Variants in ATL2 observed in about 807,000 individuals in gnomAD.
The protein encoded by ATL2 is atlastin GTPase 2.
A neutral mutation model predicts 73.9 loss-of-function variants in ATL2; 31 were observed. That is an observed-to-expected ratio of 0.42 (90% confidence interval 0.32 to 0.57). The LOEUF is 0.57. Among genes scored for constraint, ATL2 ranks in the 20% least tolerant of loss-of-function variants. The probability of loss-of-function intolerance (pLI) is 0.14; values close to 1 mark genes in which losing one functional copy is unlikely to be tolerated. For synonymous variants in ATL2, 291 were observed against 237.5 expected (o/e 1.23, Z -2.07); for missense variants, 738 against 702.6 (o/e 1.05, Z -0.57).
chr2:38,296,126 A>G lies in ATL2; in HGVS notation c.1633-13T>C. 6.5e-7 allele frequency: 1 copy of G among 1,542,552 alleles called. No homozygotes were observed. On this transcript the variant is annotated splice_polypyrimidine_tract_variant and intron_variant, in intron 12 of 12. Transcript: ENST00000378954. Reference sequence around the variant, plus strand: ...GGGGCTTCAATACCTGTGGTATGAGAAATGTGCAAAACAAACAAAAACATG... The same window carrying G: ...GGGGCTTCAATACCTGTGGTATGAGGAATGTGCAAAACAAACAAAAACATG...
intron 1 of ATL2, among the ~76,000 whole-genome samples, chr2:38,357,327 AAAAAT>A (rs1323341887): frequency 6.6e-6 from 1 of 151,932 alleles, no homozygotes; most frequent in East Asian, 1.9e-4. Flanking sequence ...ACTCCGTCTC[AAAAAT>A]AAATAAATAA....
At chr2:38,335,950 G>A (rs1215893396) in intron 2 of ATL2, among the ~76,000 whole-genome samples, 2 of 152,120 alleles carry the variant, frequency 1.3e-5, no homozygotes, top group South Asian at 2.1e-4. Context: ...TGGTGTGAAC[G>A]TGGGAGGCGG....
rs1284657472 is a variant in ATL2 at position 38,298,573 on chromosome 2, T to A, written c.1203A>T (p.Val401=). The change falls in exon 12 of 13, where the codon GTA becomes GTT. Residue 401 remains valine (V), a splice_region_variant and synonymous_variant. Transcript: ENST00000378954. ...CAATGTAAGGCTTGTCCCCTCCACA[T>A]ACCTGGACAGACAGAATTACAGTAT... The part of the protein sequence containing the change: ...RDTYCKSMEQ[V]CGGDKPYIAP... The A allele has an allele frequency of 6.2e-7, 1 of 1,610,392 alleles. No individual in the cohort carries two copies. Among genetic ancestry groups the A allele is most frequent in the Non-Finnish European group, 8.5e-7 (1 of 1,178,038 alleles).
At position 38,313,194 on chromosome 2, in the gene ATL2, T is replaced by C; in HGVS notation, c.761A>G (p.Tyr254Cys). ...AAATTGCTTTCCACCTTCCAAACCA[T>C]ATGAATGTTCATAAGGATAGCTCCA... The part of the protein sequence containing the change: ...RDWSYPYEHS[Y>C]GLEGGKQFLE... Residue 254 changes from tyrosine (Y) to cysteine (C), a missense_variant, in exon 7 of 13, where the codon TAT becomes TGT. By Grantham distance (194) the Tyr-to-Cys change is radical. Transcript: ENST00000378954. 6.2e-7 allele frequency: 1 copy of C among 1,613,638 alleles called. No homozygotes were observed. The highest frequency in any genetic ancestry group is 8.5e-7 in the Non-Finnish European group (1 of 1,179,650).
intron 2 of ATL2, among the ~76,000 whole-genome samples, chr2:38,328,357 A>G (rs1311924714): frequency 6.6e-6 from 1 of 152,220 alleles, no homozygotes; most frequent in Non-Finnish European, 1.5e-5. Flanking sequence ...ATTTCATCCA[A>G]CAACAGCACA....
intron 2 of ATL2, among the ~76,000 whole-genome samples, chr2:38,341,576 G>A (rs765764762): frequency 2.6e-5 from 4 of 152,126 alleles, no homozygotes; most frequent in African/African-American, 4.8e-5. Flanking sequence ...AGGTTGGGCT[G>A]CAGTCTACTA....
chr2:38,312,951 T>G (rs143659150), intron 7 of ATL2, among the ~76,000 whole-genome samples, 200 bp downstream of exon 7: 110 of 152,310 alleles, frequency 7.2e-4, no homozygotes, highest in Admixed American at 1.4e-3. Context: ...TCCTTAATTT[T>G]GATTCAAGGA....
At chr2:38,323,712 A>G (rs1484956051) in intron 2 of ATL2, among the ~76,000 whole-genome samples, 3 of 152,176 alleles carry the variant, frequency 2.0e-5, no homozygotes, top group Non-Finnish European at 4.4e-5. Context: ...AGAGAGAAAG[A>G]AAACGAGACA....
At position 38,314,673 on chromosome 2, in the gene ATL2, T is replaced by C; in HGVS notation, c.655-9A>G. ...CCATACTCTGTAAATAACTATTAAATAGAGTTAGTTAAAATAATGCCTCTA... is the reference window on the plus strand; with the variant it reads ...CCATACTCTGTAAATAACTATTAAACAGAGTTAGTTAAAATAATGCCTCTA... On this transcript the variant is annotated splice_polypyrimidine_tract_variant and intron_variant, in intron 5 of 12. Coordinates refer to ENST00000378954, the MANE Select transcript of ATL2 (RefSeq NM_001135673.4). 4 of 1,551,832 alleles carry C rather than the reference T, an allele frequency of 2.6e-6. No homozygotes were observed. The highest frequency in any genetic ancestry group is 8.9e-7 in the Non-Finnish European group (1 of 1,126,828).
In ATL2 at chr2:38,295,518, G is replaced by C. The variant is rs1318026480; in HGVS notation, c.*476C>G. The C allele has an allele frequency of 6.6e-6, 1 of 152,466 alleles. No individual in the cohort carries two copies. Among genetic ancestry groups the C allele is most frequent in the Non-Finnish European group, 1.5e-5 (1 of 68,292 alleles). 9.4% of individuals were successfully genotyped at this position (152,466 alleles called of 1,614,324 possible). On this transcript the variant is annotated 3_prime_UTR_variant, in exon 13 of 13. Transcript: ENST00000378954. The stretch of plus-strand genomic sequence containing the variant: ...CATGCATTGATGTAATACTGGTATT[G>C]AAGGCAGTAAAGCAATATATACTTT...
chr2:38,376,774 C>A (rs1035412836), intron 1 of ATL2, among the ~76,000 whole-genome samples: 1 of 151,870 alleles, frequency 6.6e-6, no homozygotes, highest in Admixed American at 6.5e-5. Flanking sequence ...GGAGCGGAGC[C>A]GCAGCCGACC....
intron 2 of ATL2, among the ~76,000 whole-genome samples, chr2:38,333,616 G>A (rs1323245785): frequency 2.0e-5 from 3 of 152,164 alleles, no homozygotes; most frequent in Non-Finnish European, 2.9e-5. Context: ...AAAAAGATCT[G>A]TAATTTATGT....
At chr2:38,357,310 G>C (rs1009230869) in intron 1 of ATL2, among the ~76,000 whole-genome samples, 1 of 151,416 alleles carries the variant, frequency 6.6e-6, no homozygotes, top group Non-Finnish European at 1.5e-5. Context: ...CCTGGCAACA[G>C]AGGAAGACTC....
chr2:38,375,269 T>C (rs1671897307), intron 1 of ATL2, among the ~76,000 whole-genome samples: 2 of 152,212 alleles, frequency 1.3e-5, no homozygotes, highest in African/African-American at 4.8e-5. Context: ...TTCTTCTCAC[T>C]TTAAACACAA....
intron 1 of ATL2, among the ~76,000 whole-genome samples, chr2:38,348,826 G>GA (rs1670174403): frequency 6.6e-6 from 1 of 151,794 alleles, no homozygotes; most frequent in Non-Finnish European, 1.5e-5. Flanking sequence ...AAATTCACAA[G>GA]AAAAAAACAA....
At position 38,342,237 on chromosome 2, in the gene ATL2, G is replaced by C. The variant is rs142873897; in HGVS notation, c.363+1031C>G. ...GGGAAAGAGATTCATCAATTAAAAT[G>C]TAAGTATCTCCTAAGACCCAGTTCT... On this transcript the variant is annotated intron_variant, in intron 2 of 12. Coordinates refer to ENST00000378954, the MANE Select transcript of ATL2 (RefSeq NM_001135673.4). 4.5e-4 allele frequency among the ~76,000 whole-genome samples: 69 copies of C among 152,144 alleles called. No individual in the cohort carries two copies. The East Asian group carries it at 8.7e-3, about 19-fold the overall frequency.
intron 6 of ATL2, 50 bp from the exon 7 acceptor site, chr2:38,313,293 A>T (rs1667855118): frequency 7.2e-7 from 1 of 1,395,348 alleles, no homozygotes; most frequent in Non-Finnish European, 9.8e-7. Flanking sequence ...AAGAAAATTT[A>T]CGAAAAAATC....
intron 2 of ATL2, among the ~76,000 whole-genome samples, chr2:38,324,067 G>C (rs552366559): frequency 6.6e-6 from 1 of 152,170 alleles, no homozygotes; most frequent in Non-Finnish European, 1.5e-5. Context: ...CCTGAGGCTG[G>C]GAGTTTGAGA....
chr2:38,343,360 C>T lies in ATL2; in HGVS notation c.271G>A (p.Asp91Asn). The T allele has an allele frequency of 2.5e-6, 4 of 1,611,586 alleles. No homozygotes were observed. The highest frequency in any genetic ancestry group is 3.4e-6 in the Non-Finnish European group (4 of 1,179,588). The stretch of plus-strand genomic sequence containing the variant: ...ACAGATACCACTACTATGTTAAGAT[C>T]TCGTATGTGCTCCTGTAGCAATATC... ...EQILLQEHIR[D>N]LNIVVVSVAG... The change falls in exon 2 of 13, where the codon GAT (aspartate) becomes AAT (asparagine). Residue 91 changes from aspartate (D) to asparagine (N), a missense_variant. By Grantham distance (23) the Asp-to-Asn change is conservative. Coordinates refer to ENST00000378954, the MANE Select transcript of ATL2 (RefSeq NM_001135673.4).
Sources: allele counts gnomAD v4.1 joint callset (sites outside exome capture counted in the v4.1 genomes callset), GRCh38; gene constraint gnomAD v4.1.1; transcripts MANE v1.5; gene names NCBI Gene and HGNC (gene_info 2026-07-23, HGNC 2026-07-21).